AVEN: variants seen among roughly 807,000 people sequenced by gnomAD.
AVEN encodes cell death regulator Aven.
In AVEN, 41 loss-of-function variants were observed where a neutral mutation model predicts 38.1. The observed-to-expected ratio is 1.08, with a 90% CI of 0.84 to 1.40. AVEN has a LOEUF of 1.40. Among genes scored for constraint, AVEN ranks in the 40% most tolerant of loss-of-function variants. AVEN has a pLI of 0.00. For missense variants in AVEN, 605 were observed against 438.8 expected (o/e 1.38, Z -3.38); for synonymous variants, 206 against 171.8 (o/e 1.20, Z -1.56).
At chr15:33,962,702 T>C (rs1895235757) in intron 2 of AVEN, among the ~76,000 whole-genome samples, 1 of 152,020 alleles carries the variant, frequency 6.6e-6, no homozygotes, top group Admixed American at 6.5e-5. Flanking sequence ...TCCCCCCTTA[T>C]CTTCTGCATA....
intron 2 of AVEN, among the ~76,000 whole-genome samples, chr15:33,912,029 G>T (rs1892936927): frequency 6.6e-6 from 1 of 152,222 alleles, no homozygotes; most frequent in African/African-American, 2.4e-5. Context: ...TTCCCTGCAT[G>T]ATGTAAATTA....
intron 4 of AVEN, chr15:34,064,038 G>T: frequency 6.2e-7 from 1 of 1,614,140 alleles, no homozygotes; most frequent in Non-Finnish European, 8.5e-7. Flanking sequence ...GAGGAAAGCA[G>T]CCCAGACACT....
chr15:34,025,165 A>T (rs1227143380), intron 1 of AVEN, among the ~76,000 whole-genome samples: 1 of 152,140 alleles, frequency 6.6e-6, no homozygotes, highest in Admixed American at 6.5e-5. Context: ...GTGAGACTCC[A>T]TCTCAAAAAA....
chr15:34,003,284 A>G, intron 1 of AVEN, 75 bp from the exon 2 acceptor site: 1 of 1,302,698 alleles, frequency 7.7e-7, no homozygotes, highest in Non-Finnish European at 1.1e-6. Flanking sequence ...GTAAAACAAA[A>G]AAGTACATGG....
chr15:34,062,570 A>AAC (rs1246815451), intron 5 of AVEN: 4 of 691,582 alleles, frequency 5.8e-6, no homozygotes, highest in East Asian at 5.7e-5. Context: ...AAAAAAAAAA[A>AAC]AAAACTATAA....
chr15:33,954,290 T>C (rs2140456427), intron 2 of AVEN, among the ~76,000 whole-genome samples: 1 of 152,310 alleles, frequency 6.6e-6, no homozygotes, highest in South Asian at 2.1e-4. Flanking sequence ...GACCCAGCGA[T>C]CCCATTACTG....
chr15:33,979,129 A>G (rs1567444894), intron 2 of AVEN, among the ~76,000 whole-genome samples: 1 of 152,210 alleles, frequency 6.6e-6, no homozygotes, highest in Non-Finnish European at 1.5e-5. Context: ...ATTTGATTAT[A>G]GCTTACTCCA....
At chr15:33,935,584 G>A (rs1304913305) in intron 2 of AVEN, among the ~76,000 whole-genome samples, 1 of 151,888 alleles carries the variant, frequency 6.6e-6, no homozygotes, top group Non-Finnish European at 1.5e-5. Flanking sequence ...TTTCTATAAA[G>A]GTTATATATG....
At chr15:33,916,095 G>A (rs143056741) in intron 2 of AVEN, among the ~76,000 whole-genome samples, 5 of 151,962 alleles carry the variant, frequency 3.3e-5, no homozygotes, top group African/African-American at 4.8e-5. Context: ...ACCTGCCCTC[G>A]TAGCCCAAGA....
intron 2 of AVEN, among the ~76,000 whole-genome samples, chr15:33,970,500 G>T (rs369338086): frequency 1.3e-3 from 197 of 151,926 alleles, no homozygotes; most frequent in African/African-American, 4.6e-3. Flanking sequence ...AAAAGTTAAG[G>T]GTGGTATTGT....
rs756660537 is a variant in AVEN, at chr15:33,871,015, C to T, written c.532G>A (p.Val178Met). The change falls in exon 4 of 6, where the codon GTG becomes ATG. Residue 178 changes from valine (V) to methionine (M), a missense_variant. Physicochemically the swap from Val to Met is conservative, Grantham distance 21. Transcript: ENST00000306730. ...SCPKQNSAFY[V>M]DSELLVRALQ... ...GCTCGAACCAATAACTCACTATCCA[C>T]ATAAAATGCTGAATTCTATATATAT... 1.3e-6 allele frequency: 2 copies of T among 1,599,054 alleles called. No homozygotes were observed. Among genetic ancestry groups the T allele is most frequent in the East Asian group, 2.3e-5 (1 of 44,434 alleles).
intron 2 of AVEN, among the ~76,000 whole-genome samples, chr15:33,949,228 G>A (rs545734383): frequency 2.0e-5 from 3 of 150,948 alleles, no homozygotes; most frequent in African/African-American, 4.9e-5. Context: ...GGATTTCACC[G>A]TGTTAGCCAG....
chr15:33,859,401 T>G (rs1306584812), intron 11 of AVEN, among the ~76,000 whole-genome samples: 3 of 152,178 alleles, frequency 2.0e-5, no homozygotes, highest in Admixed American at 2.0e-4. Flanking sequence ...TATCAAACTG[T>G]CCAGAGGGTG....
At chr15:33,930,193 G>T (rs572096443) in intron 2 of AVEN, among the ~76,000 whole-genome samples, 2 of 152,128 alleles carry the variant, frequency 1.3e-5, no homozygotes, top group South Asian at 4.1e-4. Flanking sequence ...CCATCCTTCT[G>T]GTCTATTGTT....
intron 11 of AVEN, chr15:33,859,754 G>GT: frequency 6.3e-7 from 1 of 1,591,672 alleles, no homozygotes; most frequent in Admixed American, 1.8e-5. Flanking sequence ...ATTGTGTTGA[G>GT]TATGAACAGG....
upstream of AVEN, among the ~76,000 whole-genome samples, chr15:34,040,265 G>C (rs1197470747): frequency 6.6e-6 from 1 of 152,174 alleles, no homozygotes; most frequent in Non-Finnish European, 1.5e-5. Context: ...CCGTGTTGCT[G>C]AGTGCAGTGA....
chr15:34,066,281 A>T (rs1900508637), intron 3 of AVEN: 1 of 152,246 alleles, frequency 6.6e-6, no homozygotes, highest in Middle Eastern at 3.2e-3. Flanking sequence ...GCGCCAGATA[A>T]ACAGTTGAGT....
chr15:33,855,774 A>G (rs1228563625), downstream of AVEN: 2 of 152,224 alleles, frequency 1.3e-5, no homozygotes, highest in Non-Finnish European at 2.9e-5. Flanking sequence ...TTAATATATA[A>G]TCAAGAAATT....
At chr15:34,049,053 CA>C (rs1899833009) in intron 5 of AVEN, among the ~76,000 whole-genome samples, 1 of 152,194 alleles carries the variant, frequency 6.6e-6, no homozygotes, top group Non-Finnish European at 1.5e-5. Context: ...ATTTCAAGGT[CA>C]GCAACCTCAA....
Sources: allele counts gnomAD v4.1 joint callset (sites outside exome capture counted in the v4.1 genomes callset), GRCh38; gene constraint gnomAD v4.1.1; transcripts MANE v1.5; gene names NCBI Gene and HGNC (gene_info 2026-07-23, HGNC 2026-07-21).